Variants in ERLEC1 observed in about 807,000 individuals in gnomAD.
The protein encoded by ERLEC1 is ER lectin.
ERLEC1 carries 47 observed loss-of-function variants against 68.0 expected under a neutral mutation model. The observed-to-expected ratio is 0.69, with a 90% CI of 0.55 to 0.88. The LOEUF (loss-of-function observed/expected upper bound fraction) is 0.88, where lower values mean the gene tolerates loss of function less well. ERLEC1 is among the 40% of genes least tolerant of loss of function. The pLI is 0.00. For synonymous variants in ERLEC1, 225 were observed against 203.2 expected (o/e 1.11, Z -0.91); for missense variants, 567 against 583.8 (o/e 0.97, Z 0.30).
Position 53,801,484 on chromosome 2 carries a change from C to T in ERLEC1, c.613C>T (p.Arg205Trp), listed in dbSNP as rs772603468. Reference protein sequence around the residue: ...NGTPCSLKQNRPRSSTVMYIC... With the variant: ...NGTPCSLKQNWPRSSTVMYIC... Reference sequence around the variant, plus strand: ...TACACCTTGTAGTTTGAAACAGAACCGGCCCAGATCAAGTACTGTGATGTA... The same window carrying T: ...TACACCTTGTAGTTTGAAACAGAACTGGCCCAGATCAAGTACTGTGATGTA... The change falls in exon 7 of 14, where the codon CGG (arginine) becomes TGG (tryptophan). Residue 205 changes from arginine (R) to tryptophan (W), a missense_variant. Physicochemically the swap from Arg to Trp is moderately radical, Grantham distance 101. Coordinates refer to ENST00000185150, the MANE Select transcript of ERLEC1 (RefSeq NM_015701.5). 1.6e-5 allele frequency: 26 copies of T among 1,613,756 alleles called. No individual in the cohort carries two copies. The East Asian group carries it at 2.7e-4, about 17-fold the overall frequency.
At chr2:53,798,187 TC>T (rs1050952707) in intron 5 of ERLEC1, among the ~76,000 whole-genome samples, 2 of 152,040 alleles carry the variant, frequency 1.3e-5, no homozygotes, top group African/African-American at 4.8e-5. Context: ...AGAGTGAGAC[TC>T]CATTTCAAAA....
At chr2:53,814,976 CAT>C in intron 13 of ERLEC1, 41 bp downstream of exon 13, 2 of 1,110,348 alleles carry the variant, frequency 1.8e-6, no homozygotes, top group Non-Finnish European at 2.6e-6. Flanking sequence ...CATTTTGAGC[CAT>C]GTTTTAATTT....
intron 11 of ERLEC1, among the ~76,000 whole-genome samples, chr2:53,813,293 C>T (rs1676689607): frequency 6.6e-6 from 1 of 152,148 alleles, no homozygotes; most frequent in South Asian, 2.1e-4. Flanking sequence ...AATGCTGGCT[C>T]ATCACTTCCT....
intron 8 of ERLEC1, among the ~76,000 whole-genome samples, chr2:53,807,793 G>C (rs1676371658): frequency 6.6e-6 from 1 of 151,978 alleles, no homozygotes; most frequent in South Asian, 2.1e-4. Flanking sequence ...GATTACTTGA[G>C]GTCAGTATGA....
intron 8 of ERLEC1, among the ~76,000 whole-genome samples, chr2:53,805,275 A>C (rs894194969): frequency 6.6e-6 from 1 of 152,084 alleles, no homozygotes; most frequent in Non-Finnish European, 1.5e-5. Flanking sequence ...CACCCACCTC[A>C]GCCTCCCAAA....
chr2:53,805,540 T>C (rs1453283123), intron 8 of ERLEC1, among the ~76,000 whole-genome samples: 1 of 152,170 alleles, frequency 6.6e-6, no homozygotes, highest in Admixed American at 6.5e-5. Flanking sequence ...TCTTTATCCA[T>C]TCATCTGTTG....
At position 53,787,105 on chromosome 2, in the gene ERLEC1, G is replaced by C. The variant is rs1017435847; in HGVS notation, c.-106G>C. 10 of 1,368,626 alleles carry C rather than the reference G, an allele frequency of 7.3e-6. No individual in the cohort carries two copies. Among genetic ancestry groups the C allele is most frequent in the South Asian group, 1.6e-5 (1 of 62,658 alleles). 84.8% of individuals were successfully genotyped at this position (1,368,626 alleles called of 1,614,324 possible). On this transcript the variant is annotated 5_prime_UTR_variant, in exon 1 of 14. Transcript: ENST00000185150. ...GGCGGCGGTTGGGCCGGTGATACCC[G>C]GGCGCTTTATAGTCCCGCCGCCTCC... is the stretch of plus-strand genomic sequence containing the variant.
intron 8 of ERLEC1, 86 bp from the exon 9 acceptor site, chr2:53,808,213 A>C: frequency 7.1e-7 from 1 of 1,412,732 alleles, no homozygotes; most frequent in Non-Finnish European, 9.6e-7. Context: ...AATTTTCTGC[A>C]GTTTAAAAAT....
intron 8 of ERLEC1, among the ~76,000 whole-genome samples, chr2:53,805,085 C>T (rs1186930890): frequency 2.7e-5 from 4 of 147,644 alleles, no homozygotes; most frequent in Non-Finnish European, 4.5e-5. Flanking sequence ...ACCTCCAACT[C>T]CTGGTTTCAA....
chr2:53,795,924 C>A lies in ERLEC1; in HGVS notation c.268-9C>A, dbSNP rs760952209. On this transcript the variant is annotated splice_polypyrimidine_tract_variant and intron_variant, in intron 2 of 13. Transcript: ENST00000185150. ...AAACTGTAAGTATTAAACTCCAATTCTTTCTTAGGAAGAAGAAAAGGATTA... is the reference window on the plus strand; with the variant it reads ...AAACTGTAAGTATTAAACTCCAATTATTTCTTAGGAAGAAGAAAAGGATTA... 9.5e-6 allele frequency: 15 copies of A among 1,575,130 alleles called. No homozygotes were observed. Among genetic ancestry groups the A allele is most frequent in the Admixed American group, 1.9e-5 (1 of 52,690 alleles).
chr2:53,815,006 T>TG (rs1294723331), intron 13 of ERLEC1, 71 bp downstream of exon 13: 14 of 1,031,560 alleles, frequency 1.4e-5, no homozygotes, highest in Middle Eastern at 6.2e-4. Context: ...TTTTTTTTTT[T>TG]TTTTTTTTTT....
Position 53,813,172 on chromosome 2 carries a change from C to T in ERLEC1, c.1226+99C>T, listed in dbSNP as rs1469736104. ...AAATTCAAACATTTAAGTAAAATCC[C>T]TGTTTAGTTTTTTTCAAGGGATATC... On this transcript the variant is annotated intron_variant, in intron 11 of 13. Coordinates refer to ENST00000185150, the MANE Select transcript of ERLEC1 (RefSeq NM_015701.5). 7 of 1,421,880 alleles carry T rather than the reference C, an allele frequency of 4.9e-6. No individual in the cohort carries two copies. In the East Asian group the frequency reaches 1.7e-4, roughly 35 times the overall value. The allele number at this position is 1,421,880 out of a possible 1,614,324, so 88.1% of individuals were successfully genotyped here.
chr2:53,790,792 G>T (rs907143989), intron 1 of ERLEC1, among the ~76,000 whole-genome samples: 3 of 152,288 alleles, frequency 2.0e-5, no homozygotes, highest in Non-Finnish European at 2.9e-5. Flanking sequence ...GTGTATTTTT[G>T]ATGTGTACAT....
intron 7 of ERLEC1, 42 bp downstream of exon 7, chr2:53,801,662 T>C: frequency 6.2e-7 from 1 of 1,612,492 alleles, no homozygotes; most frequent in Middle Eastern, 1.7e-4. Context: ...AATGCACACA[T>C]GCTTTAAAGT....
At position 53,808,404 on chromosome 2, in the gene ERLEC1, T is replaced by A. The variant is rs776178564; in HGVS notation, c.985T>A (p.Leu329Met). The A allele has an allele frequency of 2.5e-6, 4 of 1,614,092 alleles. No homozygotes were observed. The highest frequency in any genetic ancestry group is 3.4e-6 in the Non-Finnish European group (4 of 1,180,036). The change falls in exon 9 of 14, where the codon TTG (leucine) becomes ATG (methionine). Residue 329 changes from leucine (L) to methionine (M), a missense_variant. Coordinates refer to ENST00000185150, the MANE Select transcript of ERLEC1 (RefSeq NM_015701.5). The stretch of plus-strand genomic sequence containing the variant: ...TGTTGGGACAACCCACATATCCAAA[T>A]TGACAGATGACCAACTCATAAAAGA... ...LTVGTTHISKLTDDQLIKEFL... is the reference protein window; with the variant it reads ...LTVGTTHISKMTDDQLIKEFL...
In ERLEC1 at chr2:53,808,596, T is replaced by G. The variant is rs1036731595; in HGVS notation, c.1041+136T>G. On this transcript the variant is annotated intron_variant, in intron 9 of 13. Coordinates refer to ENST00000185150, the MANE Select transcript of ERLEC1 (RefSeq NM_015701.5). ...ATCCTTTCATCCCCAAAGAACATTT[T>G]CTTTTTGCAGTCTCATACCCCCACG... The G allele has an allele frequency of 1.9e-5, 16 of 838,682 alleles. No homozygotes were observed. In the African/African-American group the frequency reaches 2.4e-4, roughly 13 times the overall value. The allele number at this position is 838,682 out of a possible 1,614,324, so 52.0% of individuals were successfully genotyped here. A position where few individuals can be genotyped will look rare whatever the true frequency, so the allele number is the denominator to read the frequency against.
intron 13 of ERLEC1, among the ~76,000 whole-genome samples, chr2:53,817,680 G>A (rs571499364): frequency 2.0e-5 from 3 of 151,746 alleles, no homozygotes; most frequent in Non-Finnish European, 2.9e-5. Flanking sequence ...TCCCTCCCCC[G>A]CTTGTTTAAA....
chr2:53,818,176 T>G lies in ERLEC1; in HGVS notation c.*207T>G, dbSNP rs1400153064. On this transcript the variant is annotated 3_prime_UTR_variant, in exon 14 of 14. Transcript: ENST00000185150. The stretch of plus-strand genomic sequence containing the variant: ...GACATTTGTCTCGCTTTTTTTCATT[T>G]TTGTTGTGTCTTATAAACTGACTGT... 2.4e-6 allele frequency: 1 copy of G among 422,082 alleles called. No homozygotes were observed. The highest frequency in any genetic ancestry group is 4.3e-6 in the Non-Finnish European group (1 of 233,952). The allele number at this position is 422,082 out of a possible 1,614,324, so 26.1% of individuals were successfully genotyped here. A position where few individuals can be genotyped will look rare whatever the true frequency, so the allele number is the denominator to read the frequency against.
chr2:53,801,905 C>A, intron 8 of ERLEC1, 63 bp downstream of exon 8: 2 of 1,362,974 alleles, frequency 1.5e-6, no homozygotes, highest in Non-Finnish European at 2.1e-6. Context: ...GAGCATATGT[C>A]AATATTTTAA....
Sources: allele counts gnomAD v4.1 joint callset (sites outside exome capture counted in the v4.1 genomes callset), GRCh38; gene constraint gnomAD v4.1.1; transcripts MANE v1.5; gene names NCBI Gene and HGNC (gene_info 2026-07-23, HGNC 2026-07-21).